SCN2A: variants seen among roughly 807,000 people sequenced by gnomAD.
SCN2A encodes the protein sodium channel protein type 2 subunit alpha.
Under a neutral mutation model 188.7 loss-of-function variants are expected in SCN2A, and 20 were observed. That is an observed-to-expected ratio of 0.11 (90% CI 0.07 to 0.15). SCN2A has a LOEUF of 0.15. Among genes scored for constraint, SCN2A ranks in the 10% least tolerant of loss-of-function variants. The pLI is 1.00. For synonymous variants in SCN2A, 804 were observed against 833.1 expected, an observed-to-expected ratio of 0.97 and a Z score of 0.60; for missense variants, 1,278 against 2,445.0, an observed-to-expected ratio of 0.52 and a Z score of 10.07.
intron 1 of SCN2A, among the ~76,000 whole-genome samples, chr2:165,248,313 A>T (rs1025741150): frequency 4.6e-5 from 7 of 152,086 alleles, no homozygotes; most frequent in South Asian, 2.1e-4. Context: ...TCTCCATCCC[A>T]TTACAGTATT....
intron 1 of SCN2A, among the ~76,000 whole-genome samples, chr2:165,291,499 C>CT (rs1160503806): frequency 2.8e-5 from 3 of 107,042 alleles, no homozygotes; most frequent in East Asian, 5.4e-4. Flanking sequence ...TCTTTTCTTT[C>CT]TTTCTTTCTT....
At chr2:165,313,792 A>T in intron 9 of SCN2A, 31 bp downstream of exon 9, 1 of 1,613,526 alleles carries the variant, frequency 6.2e-7, no homozygotes. Context: ...TTTTCTGAGA[A>T]TCATAAAACA....
chr2:165,316,921 G>A (rs1389596025), intron 11 of SCN2A, among the ~76,000 whole-genome samples: 1 of 149,528 alleles, frequency 6.7e-6, no homozygotes, highest in Non-Finnish European at 1.5e-5. Flanking sequence ...TAGGGTTGTT[G>A]GTATTCAAAT....
At chr2:165,268,723 G>C (rs969029753) in intron 1 of SCN2A, 2 of 151,624 alleles carry the variant, frequency 1.3e-5, no homozygotes, top group African/African-American at 4.8e-5. Flanking sequence ...ATCAACCTAA[G>C]TCTTATCTGT....
At position 165,293,297 on chromosome 2, in the gene SCN2A, C is replaced by T. The variant is rs182177199; in HGVS notation, c.-51-2476C>T. ...TATGAGTTTTTATTTTTAACCCTTCCCTATTTACGTCATGCTTTGCTTAAG... is the reference window on the plus strand; with the variant it reads ...TATGAGTTTTTATTTTTAACCCTTCTCTATTTACGTCATGCTTTGCTTAAG... On this transcript the variant is annotated intron_variant, in intron 1 of 26. Transcript: ENST00000375437. 1.2e-3 allele frequency among the ~76,000 whole-genome samples: 186 copies of T among 152,144 alleles called. 1 individual carries two copies. The highest frequency in any genetic ancestry group is 3.4e-3 in the Admixed American group (52 of 15,292).
Position 165,239,519 on chromosome 2 carries a change from TA to T in SCN2A, c.-172del. On this transcript the variant is annotated 5_prime_UTR_variant, in exon 1 of 27. It adds an upstream start codon to the 5' untranslated region. Transcript: ENST00000375437. ...TTGTTTTTTTCTTCTTTAATGAGGA[TA>T]GAGCACATGTGAGATTTTACTTTCT... The T allele has an allele frequency of 8.8e-6, 4 of 456,938 alleles. No individual in the cohort carries two copies. Among genetic ancestry groups the T allele is most frequent in the Non-Finnish European group, 1.2e-5 (4 of 347,196 alleles). The allele number at this position is 456,938 out of a possible 1,614,324, so 28.3% of individuals were successfully genotyped here. A position where few individuals can be genotyped will look rare whatever the true frequency, so the allele number is the denominator to read the frequency against.
In SCN2A at chr2:165,380,013, A is replaced by G. The variant is rs763223687; in HGVS notation, c.4309-579A>G. ...TTTCAGAAAGGAAAGATCAACCTAT[A>G]TACCTACATGCAGACCTACTACAAT... On this transcript the variant is annotated intron_variant, in intron 23 of 26. Transcript: ENST00000375437. 2.6e-5 allele frequency among the ~76,000 whole-genome samples: 4 copies of G among 151,994 alleles called. No individual in the cohort carries two copies. In the South Asian group the frequency reaches 6.2e-4, roughly 24 times the overall value.
chr2:165,259,906 A>G (rs1694497923), intron 1 of SCN2A, among the ~76,000 whole-genome samples: 1 of 143,096 alleles, frequency 7.0e-6, no homozygotes. Context: ...ATCATTATGT[A>G]TGGCACCTGT....
intron 1 of SCN2A, among the ~76,000 whole-genome samples, chr2:165,293,167 CTA>C (rs1410473121): frequency 1.3e-5 from 2 of 152,188 alleles, no homozygotes; most frequent in Non-Finnish European, 2.9e-5. Flanking sequence ...AAATCCTACT[CTA>C]TGTTTGTAGT....
chr2:165,328,562 C>T, intron 13 of SCN2A: 1 of 929,438 alleles, frequency 1.1e-6, no homozygotes, highest in Non-Finnish European at 1.3e-6. Flanking sequence ...AACAGTCATG[C>T]TTTGCACTTC....
At chr2:165,293,742 A>T in intron 1 of SCN2A, 1 of 687,316 alleles carries the variant, frequency 1.5e-6, no homozygotes, top group Non-Finnish European at 1.8e-6. Flanking sequence ...ATTATCTGTT[A>T]ACAAAATTAA....
chr2:165,351,797 T>C (rs1045810196), intron 16 of SCN2A, among the ~76,000 whole-genome samples: 9 of 152,060 alleles, frequency 5.9e-5, no homozygotes, highest in African/African-American at 2.2e-4. Context: ...CTGGTATTGA[T>C]ACTGCTCTAG....
rs1440756317 is a variant in SCN2A, at chr2:165,338,248, G to GA, written c.2389-4044dup. The stretch of plus-strand genomic sequence containing the variant: ...ATAACATAGGTAAGTGTAAAATTAT[G>GA]AAAAGATTTGAACTTTTTTTTTTTT... On this transcript the variant is annotated intron_variant, in intron 14 of 26. Coordinates refer to ENST00000375437, the MANE Select transcript of SCN2A (RefSeq NM_001040142.2). Among the ~76,000 whole-genome samples, 5 of 149,820 alleles carry GA rather than the reference G, an allele frequency of 3.3e-5. No homozygotes were observed. In the East Asian group the frequency reaches 5.9e-4, roughly 18 times the overall value.
At chr2:165,331,667 C>A in intron 14 of SCN2A, 99 bp downstream of exon 14, 1 of 946,046 alleles carries the variant, frequency 1.1e-6, no homozygotes, top group Non-Finnish European at 1.7e-6. Flanking sequence ...ACTAATTGGC[C>A]ATGTATATCT....
At position 165,326,796 on chromosome 2, in the gene SCN2A, T is replaced by C; in HGVS notation, c.2017-56T>C. Reference sequence around the variant, plus strand: ...AAATAACACCTGTTGTAGGAATGCTTTGGGCTTTGCTGCTTTCAAAAATAG... The same window carrying C: ...AAATAACACCTGTTGTAGGAATGCTCTGGGCTTTGCTGCTTTCAAAAATAG... On this transcript the variant is annotated intron_variant, in intron 12 of 26. Transcript: ENST00000375437. 5 of 1,603,134 alleles carry C rather than the reference T, an allele frequency of 3.1e-6. No individual in the cohort carries two copies. The South Asian group carries it at 4.4e-5, about 14-fold the overall frequency.
intron 11 of SCN2A, among the ~76,000 whole-genome samples, chr2:165,321,712 A>G (rs547934552): frequency 2.2e-4 from 33 of 152,308 alleles, no homozygotes; most frequent in African/African-American, 7.7e-4. Flanking sequence ...CCATGAGAAC[A>G]GTATGGAGAA....
chr2:165,337,178 T>C (rs571765426), intron 14 of SCN2A, among the ~76,000 whole-genome samples: 3 of 152,066 alleles, frequency 2.0e-5, no homozygotes, highest in Non-Finnish European at 4.4e-5. Flanking sequence ...CATTCTAATA[T>C]GAAAAATTCA....
At chr2:165,266,600 A>T (rs553673677) in intron 1 of SCN2A, 1 of 152,218 alleles carries the variant, frequency 6.6e-6, no homozygotes. Flanking sequence ...GGAAACTCAG[A>T]ACTGCTTAGA....
chr2:165,292,210 T>G (rs1696250888), intron 1 of SCN2A, among the ~76,000 whole-genome samples: 1 of 152,208 alleles, frequency 6.6e-6, no homozygotes, highest in Non-Finnish European at 1.5e-5. Flanking sequence ...TTACTTCAAT[T>G]AGTTTGAGAC....
Sources: allele counts gnomAD v4.1 joint callset (sites outside exome capture counted in the v4.1 genomes callset), GRCh38; gene constraint gnomAD v4.1.1; transcripts MANE v1.5; gene names NCBI Gene and HGNC (gene_info 2026-07-23, HGNC 2026-07-21).